PINX1: variants seen among roughly 807,000 people sequenced by gnomAD.
PINX1 encodes the protein PIN2 (TERF1) interacting telomerase inhibitor 1.
Under a neutral mutation model 25.4 loss-of-function variants are expected in PINX1, and 34 were observed. The ratio of observed to expected loss-of-function variants is 1.34; its 90% CI spans 1.02 to 1.78. The LOEUF is 1.78. Among genes scored for constraint, PINX1 ranks in the 40% most tolerant of loss-of-function variants. The probability of loss-of-function intolerance (pLI) is 0.00; values close to 1 mark genes in which losing one functional copy is unlikely to be tolerated. For synonymous variants in PINX1, 197 were observed against 147.7 expected, an observed-to-expected ratio of 1.33 and a Z score of -2.42; for missense variants, 592 against 404.9, an observed-to-expected ratio of 1.46 and a Z score of -3.97.
chr8:10,795,874 A>AT (rs58547733), intron 6 of PINX1, among the ~76,000 whole-genome samples: 22 of 149,862 alleles, frequency 1.5e-4, no homozygotes, highest in Admixed American at 2.7e-4. Context: ...ATCCCATTTG[A>AT]TTTTTTTTTT....
chr8:10,767,106 T>C (rs917127149), intron 6 of PINX1, among the ~76,000 whole-genome samples: 3 of 152,180 alleles, frequency 2.0e-5, no homozygotes, highest in Admixed American at 6.5e-5. Flanking sequence ...AGGCTGGGTG[T>C]TCTACGCTTT....
intron 4 of PINX1, 23 bp from the exon 5 acceptor site, chr8:10,826,267 A>G (rs1431711616): frequency 7.9e-7 from 1 of 1,270,186 alleles, no homozygotes; most frequent in South Asian, 1.3e-5. Context: ...TGAAAAAAAT[A>G]CATTAAAGTC....
At chr8:10,780,907 G>C (rs1049233675) in intron 6 of PINX1, among the ~76,000 whole-genome samples, 1 of 152,106 alleles carries the variant, frequency 6.6e-6, no homozygotes. Flanking sequence ...GTAATTCTGA[G>C]AGAGAAAAAC....
At chr8:10,825,496 C>A (rs1563234007) in intron 5 of PINX1, 1 of 532,128 alleles carries the variant, frequency 1.9e-6, no homozygotes, top group Non-Finnish European at 3.9e-6. Flanking sequence ...TGCTTCTTTC[C>A]AATGCAAGAT....
intron 1 of PINX1, among the ~76,000 whole-genome samples, chr8:10,835,127 G>C (rs1463234800): frequency 6.6e-6 from 1 of 152,178 alleles, no homozygotes; most frequent in African/African-American, 2.4e-5. Context: ...ATCACCATCA[G>C]CAGTAGTAGC....
At chr8:10,832,346 G>T (rs970957044) in intron 3 of PINX1, among the ~76,000 whole-genome samples, 2 of 152,140 alleles carry the variant, frequency 1.3e-5, no homozygotes, top group Non-Finnish European at 2.9e-5. Flanking sequence ...GGGAAGCAGG[G>T]TTTCAGTGTA....
chr8:10,788,178 G>A (rs954166763), intron 6 of PINX1, among the ~76,000 whole-genome samples: 3 of 152,154 alleles, frequency 2.0e-5, no homozygotes, highest in Admixed American at 6.5e-5. Context: ...ATTGATCATT[G>A]TTAAGCTGGG....
intron 6 of PINX1, chr8:10,787,663 T>C (rs1453844677): frequency 6.1e-6 from 2 of 330,480 alleles, no homozygotes. Context: ...TAAGGATAAA[T>C]GTGGATTCAG....
At chr8:10,820,008 C>G (rs1300512944) in intron 6 of PINX1, among the ~76,000 whole-genome samples, 185 bp downstream of exon 6, 1 of 152,002 alleles carries the variant, frequency 6.6e-6, no homozygotes, top group Non-Finnish European at 1.5e-5. Flanking sequence ...TTAAAGATTC[C>G]TTATAAAACA....
Position 10,834,790 on chromosome 8 carries a change from G to A in PINX1, c.20-15C>T, listed in dbSNP as rs769092417. ...CTTCCGCCGACCTGTAAATGAAAAAGCATTATCATCAGCAATGGAGATGAT... is the reference window on the plus strand; with the variant it reads ...CTTCCGCCGACCTGTAAATGAAAAAACATTATCATCAGCAATGGAGATGAT... On this transcript the variant is annotated splice_polypyrimidine_tract_variant and intron_variant, in intron 1 of 6. Coordinates refer to ENST00000314787, the MANE Select transcript of PINX1 (RefSeq NM_017884.6). The A allele has an allele frequency of 8.8e-6, 14 of 1,586,532 alleles. 2 individuals carry two copies. Among genetic ancestry groups the A allele is most frequent in the South Asian group, 6.7e-5 (6 of 89,770 alleles).
chr8:10,826,007 G>A (rs754218097), intron 5 of PINX1, 145 bp downstream of exon 5: 50 of 540,200 alleles, frequency 9.3e-5, no homozygotes, highest in Admixed American at 4.4e-4. Context: ...CAGTCAATGC[G>A]AAGACTCCAG....
intron 6 of PINX1, among the ~76,000 whole-genome samples, chr8:10,816,958 G>C (rs557489570): frequency 4.6e-5 from 7 of 152,192 alleles, no homozygotes; most frequent in East Asian, 1.9e-4. Flanking sequence ...AGGATGAAAT[G>C]AGAAAAATCC....
chr8:10,832,895 AT>A lies in PINX1; in HGVS notation c.218del (p.Asn73MetfsTer19). On this transcript the variant is annotated frameshift_variant, in exon 3 of 7. Transcript: ENST00000314787. LOFTEE classifies it high-confidence loss of function. ...GGAGGCACACACTGCTGCTCACTTC[AT>A]TATTGATGGTAGCTCCGAGTCCCAG... is the stretch of plus-strand genomic sequence containing the variant. Reference protein sequence around the residue: ...NHLGLGATINNEDNWIAHQDD... With the variant: ...NHLGLGATINXEDNWIAHQDD... The A allele has an allele frequency of 6.3e-7, 1 of 1,599,228 alleles. No homozygotes were observed. Among genetic ancestry groups the A allele is most frequent in the Non-Finnish European group, 8.6e-7 (1 of 1,167,232 alleles).
intron 6 of PINX1, among the ~76,000 whole-genome samples, chr8:10,781,817 C>A (rs1801595622): frequency 6.6e-6 from 1 of 152,114 alleles, no homozygotes; most frequent in African/African-American, 2.4e-5. Context: ...CTGTATAGCC[C>A]AGCAACCCCT....
intron 6 of PINX1, among the ~76,000 whole-genome samples, chr8:10,819,029 G>A (rs1797785774): frequency 6.6e-6 from 1 of 152,176 alleles, no homozygotes; most frequent in Non-Finnish European, 1.5e-5. Flanking sequence ...AGCCGGCACG[G>A]CCGGATGTCA....
At chr8:10,816,789 C>G (rs1317509283) in intron 6 of PINX1, among the ~76,000 whole-genome samples, 1 of 152,070 alleles carries the variant, frequency 6.6e-6, no homozygotes, top group Non-Finnish European at 1.5e-5. Context: ...TTCGGCAGGA[C>G]TGCTGTATTA....
At chr8:10,800,270 G>A (rs1802224701) in intron 6 of PINX1, among the ~76,000 whole-genome samples, 1 of 152,188 alleles carries the variant, frequency 6.6e-6, no homozygotes, top group African/African-American at 2.4e-5. Context: ...AAATGAACTT[G>A]TCCGACTTAA....
intron 6 of PINX1, 60 bp from the exon 7 acceptor site, chr8:10,765,976 C>G: frequency 6.5e-7 from 1 of 1,538,062 alleles, no homozygotes; most frequent in Admixed American, 1.8e-5. Context: ...CCTCACCGCA[C>G]CCAGGAGGCA....
intron 6 of PINX1, among the ~76,000 whole-genome samples, chr8:10,769,458 T>C (rs943842690): frequency 6.6e-6 from 1 of 152,216 alleles, no homozygotes; most frequent in Non-Finnish European, 1.5e-5. Flanking sequence ...GGCTTTGAAC[T>C]GAGATGACTC....
Sources: gnomAD v4.1 joint callset for allele counts (sites outside exome capture counted in the v4.1 genomes callset) on GRCh38, gnomAD v4.1.1 for gene constraint, MANE v1.5 for transcripts, NCBI Gene and HGNC (gene_info 2026-07-23, HGNC 2026-07-21) for gene names.